ST6GAL1: variants seen among roughly 807,000 people sequenced by gnomAD.
ST6GAL1 encodes the protein beta-galactoside alpha-2,6-sialyltransferase 1.
Under a neutral mutation model 38.0 loss-of-function variants are expected in ST6GAL1, and 20 were observed. That is an observed-to-expected ratio of 0.53 (90% CI 0.37 to 0.77). ST6GAL1 has a LOEUF of 0.77. Ranked by LOEUF, ST6GAL1 falls within the 30% of genes least tolerant of loss-of-function variation. The pLI is 0.00. For synonymous variants in ST6GAL1, 196 were observed against 188.2 expected, an observed-to-expected ratio of 1.04 and a Z score of -0.34; for missense variants, 432 against 496.4, an observed-to-expected ratio of 0.87 and a Z score of 1.23.
chr3:187,042,341 A>G (rs571409732), intron 3 of ST6GAL1, among the ~76,000 whole-genome samples: 2 of 152,278 alleles, frequency 1.3e-5, no homozygotes, highest in African/African-American at 4.8e-5. Flanking sequence ...AGGTAGACCA[A>G]GGCAACCAGA....
intron 2 of ST6GAL1, among the ~76,000 whole-genome samples, chr3:187,030,237 T>C (rs1717696568): frequency 6.6e-6 from 1 of 152,066 alleles, no homozygotes; most frequent in South Asian, 2.1e-4. Context: ...GGGTCATAGG[T>C]AGCGCTGTCT....
Position 187,075,818 on chromosome 3 carries a change from C to G in ST6GAL1, c.*15C>G. 1 of 1,613,106 alleles carries G rather than the reference C, an allele frequency of 6.2e-7. No homozygotes were observed. Among genetic ancestry groups the G allele is most frequent in the Non-Finnish European group, 8.5e-7 (1 of 1,179,184 alleles). ...TTCACTGCTAAGCACAGGCTCCTCA[C>G]TCTTCTCCATCAGGCATTAAATGAA... On this transcript the variant is annotated 3_prime_UTR_variant, in exon 8 of 8. Transcript: ENST00000169298. The surrounding 1 kb of genome is among the most constrained non-coding windows in gnomAD (Gnocchi z 4.1).
intron 2 of ST6GAL1, among the ~76,000 whole-genome samples, chr3:186,994,368 C>T (rs1329780344): frequency 2.0e-5 from 3 of 152,056 alleles, no homozygotes; most frequent in African/African-American, 7.2e-5. Context: ...AAACTGAAGA[C>T]AATTACTTCT....
At chr3:186,934,818 G>C (rs1713886130) in intron 1 of ST6GAL1, among the ~76,000 whole-genome samples, 3 of 151,526 alleles carry the variant, frequency 2.0e-5, no homozygotes, top group Non-Finnish European at 4.4e-5. Context: ...CCAGGCTGGA[G>C]TGCAGTGGTG....
chr3:187,026,871 C>G, intron 2 of ST6GAL1, among the ~76,000 whole-genome samples: 1 of 151,978 alleles, frequency 6.6e-6, no homozygotes, highest in East Asian at 1.9e-4. Flanking sequence ...CGGTGAAACC[C>G]CATCTCTACT....
At chr3:187,011,909 G>C (rs554620067) in intron 2 of ST6GAL1, among the ~76,000 whole-genome samples, 17 of 152,268 alleles carry the variant, frequency 1.1e-4, no homozygotes, top group Middle Eastern at 3.4e-3. Context: ...ACTTGATTCG[G>C]AGGACTGGGT....
intron 5 of ST6GAL1, among the ~76,000 whole-genome samples, chr3:187,059,125 G>A (rs561494502): frequency 1.3e-4 from 20 of 151,878 alleles, no homozygotes; most frequent in Admixed American, 2.6e-4. Flanking sequence ...TGAGGGAGGC[G>A]TTACACCACT....
intron 1 of ST6GAL1, chr3:186,948,544 TGTGTG>T (rs1227566637): frequency 9.7e-5 from 4 of 41,380 alleles, no homozygotes; most frequent in African/African-American, 2.8e-4. Context: ...TGTGTGTGTG[TGTGTG>T]TGTGTGTGTG....
chr3:186,974,726 TGG>T lies in ST6GAL1; in HGVS notation c.-183+10809_-183+10810del, dbSNP rs59138183. 2.8e-4 allele frequency among the ~76,000 whole-genome samples: 41 copies of T among 145,864 alleles called. No individual in the cohort carries two copies. In the South Asian group the frequency reaches 4.3e-3, roughly 15 times the overall value. On this transcript the variant is annotated intron_variant, in intron 2 of 7. Transcript: ENST00000169298. ...AATTAGTATTTACTGAGAGCCTGGT[TGG>T]GGGGGGGGCGCCCACAGCAGGGTTG...
intron 5 of ST6GAL1, among the ~76,000 whole-genome samples, chr3:187,067,307 G>A (rs747072287): frequency 3.3e-5 from 5 of 150,472 alleles, no homozygotes; most frequent in Admixed American, 6.6e-5. Flanking sequence ...GGGTGATCTC[G>A]AACTCCTGAC....
intron 2 of ST6GAL1, among the ~76,000 whole-genome samples, chr3:186,966,189 C>T (rs1055036968): frequency 7.9e-5 from 12 of 152,142 alleles, no homozygotes; most frequent in African/African-American, 2.2e-4. Context: ...TGTGAGCCAT[C>T]GTGCCCGACC....
chr3:186,975,530 C>T lies in ST6GAL1; in HGVS notation c.-183+11604C>T, dbSNP rs181775396. On this transcript the variant is annotated intron_variant, in intron 2 of 7. Coordinates refer to ENST00000169298, the MANE Select transcript of ST6GAL1 (RefSeq NM_173216.2). Reference sequence around the variant, plus strand: ...GTCCCTGAGGTTCGTACCTGCCTGGCCATCTGCCTTTTGCTGTTCAACCAG... The same window carrying T: ...GTCCCTGAGGTTCGTACCTGCCTGGTCATCTGCCTTTTGCTGTTCAACCAG... Among the ~76,000 whole-genome samples the T allele has an allele frequency of 1.6e-4, 25 of 152,248 alleles. 1 individual carries two copies. In the South Asian group the frequency reaches 4.3e-3, roughly 26 times the overall value.
In ST6GAL1 at chr3:187,042,969, C is replaced by T; in HGVS notation, c.266C>T (p.Pro89Leu). The T allele has an allele frequency of 6.2e-7, 1 of 1,614,192 alleles. No individual in the cohort carries two copies. Among genetic ancestry groups the T allele is most frequent in the Non-Finnish European group, 8.5e-7 (1 of 1,180,046 alleles). Residue 89 changes from proline to leucine, a missense_variant, in exon 4 of 8, where the codon CCA (proline) becomes CTA (leucine). Physicochemically the swap from Pro to Leu is moderately conservative, Grantham distance 98. Transcript: ENST00000169298. ...CTCAGAGGCCTAGCCAAGGCCAAAC[C>T]AGAGGCCTCCTTCCAGGTGTGGAAC... ...GSLRGLAKAK[P>L]EASFQVWNKD...
intron 2 of ST6GAL1, among the ~76,000 whole-genome samples, chr3:187,012,894 C>T (rs930174470): frequency 6.6e-6 from 1 of 152,162 alleles, no homozygotes; most frequent in African/African-American, 2.4e-5. Flanking sequence ...CACTGTGAGT[C>T]GTCGGGTCTA....
chr3:187,056,796 C>T (rs1012655665), intron 5 of ST6GAL1, among the ~76,000 whole-genome samples: 5 of 152,058 alleles, frequency 3.3e-5, no homozygotes, highest in East Asian at 3.8e-4. Flanking sequence ...TTGCTCTTCT[C>T]GAGGAGTATC....
At chr3:186,998,053 C>T (rs1314931863) in intron 2 of ST6GAL1, among the ~76,000 whole-genome samples, 1 of 152,118 alleles carries the variant, frequency 6.6e-6, no homozygotes, top group Non-Finnish European at 1.5e-5. Flanking sequence ...TAGAGACCAG[C>T]CTGGGCAACA....
chr3:187,072,170 C>T (rs1719404767), intron 5 of ST6GAL1: 1 of 152,938 alleles, frequency 6.5e-6, no homozygotes, highest in South Asian at 2.1e-4. Context: ...GAGGCCATAA[C>T]CAGCCATTGC....
intron 2 of ST6GAL1, among the ~76,000 whole-genome samples, chr3:186,999,457 A>G (rs1456669086): frequency 3.4e-5 from 5 of 148,656 alleles, no homozygotes; most frequent in Non-Finnish European, 7.4e-5. Flanking sequence ...CGTAGCCCAG[A>G]CTGGAGTGCA....
chr3:186,951,762 A>T (rs1714587870), intron 1 of ST6GAL1, among the ~76,000 whole-genome samples: 2 of 152,224 alleles, frequency 1.3e-5, no homozygotes, highest in South Asian at 4.1e-4. Flanking sequence ...GTCTTAGTCC[A>T]TTCAGGCTGT....
Sources: allele counts gnomAD v4.1 joint callset (sites outside exome capture counted in the v4.1 genomes callset), GRCh38; gene constraint gnomAD v4.1.1; non-coding constraint Gnocchi (gnomAD v3.1); transcripts MANE v1.5; gene names NCBI Gene and HGNC (gene_info 2026-07-23, HGNC 2026-07-21).